The following SFSWAP variants were observed in gnomAD, a reference collection of about 807,000 sequenced individuals.
SFSWAP encodes splicing factor, suppressor of white-apricot homolog.
A neutral mutation model predicts 100.7 loss-of-function variants in SFSWAP; 17 were observed. The ratio of observed to expected loss-of-function variants is 0.17; its 90% CI spans 0.12 to 0.25. The LOEUF is 0.25. Ranked by LOEUF, SFSWAP falls within the 10% of genes least tolerant of loss-of-function variation. The pLI, the probability that SFSWAP is intolerant of heterozygous loss-of-function variation, is 1.00. For missense variants in SFSWAP, 1,005 were observed against 1,262.6 expected (o/e 0.80, Z 3.09); for synonymous variants, 504 against 510.1 (o/e 0.99, Z 0.16).
Position 131,778,255 on chromosome 12 carries a change from C to T in SFSWAP, c.2333C>T (p.Ser778Phe). 6.2e-7 allele frequency: 1 copy of T among 1,614,174 alleles called. No homozygotes were observed. The highest frequency in any genetic ancestry group is 1.1e-5 in the South Asian group (1 of 91,080). The change falls in exon 14 of 18, where the codon TCC becomes TTC. Residue 778 changes from serine (S) to phenylalanine (F), a missense_variant. Physicochemically the swap from Ser to Phe is radical, Grantham distance 155. This residue lies in a region of SFSWAP where 295 missense variants were observed against 347.9 expected (regional missense o/e 0.85). Transcript: ENST00000261674. The surrounding 1 kb of genome is among the most constrained non-coding windows in gnomAD (Gnocchi z 4.2). ...CGTTCTCCCAAGTACCATTCGTCATCCAAGTCCAGGTCTAGATCACACTCA... is the reference window on the plus strand; with the variant it reads ...CGTTCTCCCAAGTACCATTCGTCATTCAAGTCCAGGTCTAGATCACACTCA... ...RSRSPKYHSS[S>F]KSRSRSHSKA...
At chr12:131,765,332 C>A (rs946179767) in intron 12 of SFSWAP, among the ~76,000 whole-genome samples, 1 of 152,210 alleles carries the variant, frequency 6.6e-6, no homozygotes, top group Non-Finnish European at 1.5e-5. Context: ...TACACACATT[C>A]AGATCAAGCA....
chr12:131,750,055 C>T (rs144023852), intron 7 of SFSWAP, among the ~76,000 whole-genome samples: 166 of 152,290 alleles, frequency 1.1e-3, no homozygotes, highest in African/African-American at 3.4e-3. Flanking sequence ...GCTGGGCAAG[C>T]GGCAGAAGCC....
rs555056898 is a variant in SFSWAP, at chr12:131,771,032, T to C, written c.2142+4724T>C. 2.6e-5 allele frequency among the ~76,000 whole-genome samples: 4 copies of C among 152,306 alleles called. No homozygotes were observed. The South Asian group carries it at 8.3e-4, about 32-fold the overall frequency. ...CATTGGACCCCCTTCCTTTTTACAGTTGAATGGTGCTCGGTCGTGTGCATC... is the reference window on the plus strand; with the variant it reads ...CATTGGACCCCCTTCCTTTTTACAGCTGAATGGTGCTCGGTCGTGTGCATC... On this transcript the variant is annotated intron_variant, in intron 13 of 17. Coordinates refer to ENST00000261674, the MANE Select transcript of SFSWAP (RefSeq NM_004592.4).
In SFSWAP at chr12:131,753,323, G is replaced by A; in HGVS notation, c.1282G>A (p.Glu428Lys). 3.1e-6 allele frequency: 5 copies of A among 1,612,434 alleles called. No homozygotes were observed. The highest frequency in any genetic ancestry group is 1.1e-5 in the South Asian group (1 of 91,024). The stretch of plus-strand genomic sequence containing the variant: ...ACCACTACCGCCCCCAACCACAGCA[G>A]AGACTAGCAGCGGGGCCACCTCCAC... ...TTPLPPPTTA[E>K]TSSGATSTTT... is the part of the protein sequence containing the mutation. Residue 428 changes from glutamate (E) to lysine (K), a missense_variant, in exon 8 of 18, where the codon GAG becomes AAG. Coordinates refer to ENST00000261674, the MANE Select transcript of SFSWAP (RefSeq NM_004592.4).
chr12:131,798,925 T>G, intron 16 of SFSWAP, 112 bp from the exon 17 acceptor site: 2 of 731,414 alleles, frequency 2.7e-6, no homozygotes. Flanking sequence ...GCAGATGCAG[T>G]GGGCACTTCT....
chr12:131,774,873 A>G (rs1424281237), intron 13 of SFSWAP, among the ~76,000 whole-genome samples: 1 of 152,210 alleles, frequency 6.6e-6, no homozygotes, highest in African/African-American at 2.4e-5. Flanking sequence ...GTCTTTAAGC[A>G]CAGTGGTGAG....
intron 3 of SFSWAP, among the ~76,000 whole-genome samples, chr12:131,718,363 A>G (rs1435642694): frequency 2.0e-5 from 3 of 152,220 alleles, no homozygotes; most frequent in African/African-American, 7.2e-5. Flanking sequence ...ACCTCAATAG[A>G]TCATTGAAAT....
In SFSWAP at chr12:131,714,512, T is replaced by C; in HGVS notation, c.388+272T>C. On this transcript the variant is annotated intron_variant, in intron 2 of 17. Transcript: ENST00000261674. This position sits in a 1 kb window ranked among gnomAD's most constrained non-coding sequence, Gnocchi z 6.0. ...CTTTAACTGTTCTTCTTTAACAGTA[T>C]CGTATAAATAAAATTGATGTTCTTG... is the stretch of plus-strand genomic sequence containing the variant. The C allele has an allele frequency of 2.1e-6, 1 of 487,480 alleles. No homozygotes were observed. The highest frequency in any genetic ancestry group is 3.6e-6 in the Non-Finnish European group (1 of 274,054). The allele number at this position is 487,480 out of a possible 1,614,324, so 30.2% of individuals were successfully genotyped here.
chr12:131,763,860 C>T (rs565832564), intron 11 of SFSWAP, among the ~76,000 whole-genome samples: 1 of 150,912 alleles, frequency 6.6e-6, no homozygotes, highest in African/African-American at 2.4e-5. Context: ...GGCACAGTGG[C>T]TCACGTCTAT....
intron 14 of SFSWAP, among the ~76,000 whole-genome samples, chr12:131,780,952 A>T (rs970841343): frequency 6.6e-6 from 1 of 152,086 alleles, no homozygotes; most frequent in African/African-American, 2.4e-5. Flanking sequence ...GTGATGTCTG[A>T]TATTTCCGGG....
rs111598896 is a variant in SFSWAP, at chr12:131,752,896, G to A, written c.1082-227G>A. Among the ~76,000 whole-genome samples, 472 of 152,284 alleles carry A rather than the reference G, an allele frequency of 3.1e-3. 3 individuals are homozygous for A. Among genetic ancestry groups the A allele is most frequent in the African/African-American group, 0.01 (428 of 41,558 alleles). ...GCCTTTGAATGTCCTCATGCCATTC[G>A]CTTTCCATCTGTCTTTGGATGCGTG... is the stretch of plus-strand genomic sequence containing the variant. On this transcript the variant is annotated intron_variant, in intron 7 of 17. Coordinates refer to ENST00000261674, the MANE Select transcript of SFSWAP (RefSeq NM_004592.4).
chr12:131,793,842 C>T (rs1031129600), intron 15 of SFSWAP, among the ~76,000 whole-genome samples: 1 of 152,112 alleles, frequency 6.6e-6, no homozygotes, highest in South Asian at 2.1e-4. Flanking sequence ...CAGTCAGGGA[C>T]GTGCTGATGC....
chr12:131,742,841 G>A lies in SFSWAP; in HGVS notation c.1082-10282G>A, dbSNP rs141946196. ...TCACACTGCTGATAAAGACATACCC[G>A]AGACTGAGGAGGAGAAGAAGAGGTT... On this transcript the variant is annotated intron_variant, in intron 7 of 17. Transcript: ENST00000261674. 1.3e-3 allele frequency among the ~76,000 whole-genome samples: 197 copies of A among 152,258 alleles called. 1 individual carries two copies. The highest frequency in any genetic ancestry group is 4.2e-3 in the African/African-American group (176 of 41,544).
At chr12:131,761,364 T>G (rs1882664337) in intron 11 of SFSWAP, among the ~76,000 whole-genome samples, 1 of 152,258 alleles carries the variant, frequency 6.6e-6, no homozygotes, top group Non-Finnish European at 1.5e-5. Flanking sequence ...GCCATGCATC[T>G]GTCCCCGCAT....
At chr12:131,767,685 C>T (rs1054908941) in intron 13 of SFSWAP, among the ~76,000 whole-genome samples, 1 of 152,162 alleles carries the variant, frequency 6.6e-6, no homozygotes, top group African/African-American at 2.4e-5. Flanking sequence ...TTTATAAAAT[C>T]TTTCTCAACC....
intron 7 of SFSWAP, among the ~76,000 whole-genome samples, chr12:131,748,077 C>G (rs543950149): frequency 4.4e-4 from 67 of 152,312 alleles, no homozygotes; most frequent in African/African-American, 1.5e-3. Flanking sequence ...CTGGCTTGTT[C>G]CTGCCTCTCA....
In SFSWAP at chr12:131,784,954, C is replaced by T. The variant is rs73481801; in HGVS notation, c.2409-1509C>T. 3,190 of 706,756 alleles carry T rather than the reference C, an allele frequency of 4.5e-3. 93 individuals are homozygous for T. In the African/African-American group the frequency reaches 0.053, roughly 12 times the overall value. 43.8% of individuals were successfully genotyped at this position (706,756 alleles called of 1,614,324 possible). A position where few individuals can be genotyped will look rare whatever the true frequency, so the allele number is the denominator to read the frequency against. On this transcript the variant is annotated intron_variant, in intron 14 of 17. Coordinates refer to ENST00000261674, the MANE Select transcript of SFSWAP (RefSeq NM_004592.4). ...TTATTGAGTTTATTGTAGAATTCTA[C>T]GTGTAAGCATTCCCCAGCCGCTATA...
At position 131,733,329 on chromosome 12, in the gene SFSWAP, T is replaced by C. The variant is rs1339923463; in HGVS notation, c.1081+4901T>C. Among the ~76,000 whole-genome samples the C allele has an allele frequency of 6.6e-6, 1 of 152,174 alleles. No individual in the cohort carries two copies. The highest frequency in any genetic ancestry group is 2.4e-5 in the African/African-American group (1 of 41,444). On this transcript the variant is annotated intron_variant, in intron 7 of 17. Coordinates refer to ENST00000261674, the MANE Select transcript of SFSWAP (RefSeq NM_004592.4). This position sits in a 1 kb window ranked among gnomAD's most constrained non-coding sequence, Gnocchi z 5.1. ...CCTGACCTGTTGAGCCAGGGGTGGA[T>C]TGGCAGGCCTATAAGGCGCCTTTCA...
In SFSWAP at chr12:131,728,376, C is replaced by T. The variant is rs576562646; in HGVS notation, c.1029C>T (p.His343=). The change falls in exon 7 of 18, where the codon CAC becomes CAT. Residue 343 remains histidine (H), a synonymous_variant. Transcript: ENST00000261674. ...AQADSSTPTP[H]NADGAPVQPS... ...CTGACAGTTCCACTCCCACCCCACA[C>T]AACGCAGACGGTGCGCCTGTGCAGC... 74 of 1,614,276 alleles carry T rather than the reference C, an allele frequency of 4.6e-5. No individual in the cohort carries two copies. The South Asian group carries it at 7.4e-4, about 16-fold the overall frequency.
Sources: gnomAD v4.1 joint callset for allele counts (sites outside exome capture counted in the v4.1 genomes callset) on GRCh38, gnomAD v4.1.1 for gene constraint, gnomAD v4.1.1 regional missense constraint, Gnocchi (gnomAD v3.1) non-coding constraint, MANE v1.5 for transcripts, NCBI Gene and HGNC (gene_info 2026-07-23, HGNC 2026-07-21) for gene names.